IMMP2L: variants seen among roughly 807,000 people sequenced by gnomAD.
IMMP2L encodes the protein inner mitochondrial membrane peptidase subunit 2, also known as mitochondrial inner membrane protease subunit 2.
IMMP2L carries 18 observed loss-of-function variants against 19.3 expected under a neutral mutation model. The observed-to-expected ratio is 0.93, with a 90% CI of 0.64 to 1.38. IMMP2L has a LOEUF of 1.38. IMMP2L is among the 40% of genes most tolerant of loss of function. The pLI is 0.00. For missense variants in IMMP2L, 233 were observed against 218.2 expected, an observed-to-expected ratio of 1.07 and a Z score of -0.43; for synonymous variants, 76 against 73.0, an observed-to-expected ratio of 1.04 and a Z score of -0.21.
intron 3 of IMMP2L, among the ~76,000 whole-genome samples, chr7:111,175,018 T>C (rs914181453): frequency 7.2e-5 from 11 of 151,872 alleles, no homozygotes; most frequent in Non-Finnish European, 1.6e-4. Flanking sequence ...AAGCACATAC[T>C]GAACTCTATT....
chr7:110,751,128 C>T (rs1797689866), intron 5 of IMMP2L, among the ~76,000 whole-genome samples: 1 of 150,938 alleles, frequency 6.6e-6, no homozygotes, highest in Non-Finnish European at 1.5e-5. Context: ...GGGAAAACAA[C>T]ATCCAGAATC....
At chr7:110,838,534 T>C (rs1185800674) in intron 5 of IMMP2L, among the ~76,000 whole-genome samples, 1 of 152,054 alleles carries the variant, frequency 6.6e-6, no homozygotes, top group Non-Finnish European at 1.5e-5. Flanking sequence ...TATTCATGGT[T>C]AATGGATTAA....
chr7:111,027,274 G>A (rs1826934808), intron 3 of IMMP2L, among the ~76,000 whole-genome samples: 1 of 152,084 alleles, frequency 6.6e-6, no homozygotes, highest in Admixed American at 6.6e-5. Context: ...TTCTCTTGAG[G>A]GTCTAGACAG....
chr7:111,464,928 A>G (rs2132040993), intron 3 of IMMP2L, among the ~76,000 whole-genome samples: 1 of 152,154 alleles, frequency 6.6e-6, no homozygotes, highest in East Asian at 1.9e-4. Flanking sequence ...AGCTGGGACT[A>G]CAGGCGCCCG....
chr7:110,835,023 T>A (rs948701091), intron 5 of IMMP2L, among the ~76,000 whole-genome samples: 4 of 151,922 alleles, frequency 2.6e-5, no homozygotes, highest in African/African-American at 9.7e-5. Context: ...ACCTGAAAAT[T>A]TTTTTCCCCC....
intron 3 of IMMP2L, chr7:111,097,050 T>C (rs1370074833): frequency 6.6e-6 from 1 of 151,878 alleles, no homozygotes; most frequent in Non-Finnish European, 1.5e-5. Flanking sequence ...CCACAGATAA[T>C]CAGCTACTCT....
At chr7:110,756,473 T>C (rs1798048593) in intron 5 of IMMP2L, among the ~76,000 whole-genome samples, 1 of 152,018 alleles carries the variant, frequency 6.6e-6, no homozygotes, top group Non-Finnish European at 1.5e-5. Context: ...AGGATGGAAA[T>C]AGTGTTTGTG....
At chr7:110,917,243 C>CT (rs1429002353) in intron 4 of IMMP2L, among the ~76,000 whole-genome samples, 4 of 152,174 alleles carry the variant, frequency 2.6e-5, no homozygotes, top group Non-Finnish European at 4.4e-5. Flanking sequence ...GAGCACAGCC[C>CT]TTTCAATACC....
chr7:111,173,530 G>C (rs1806689443), intron 3 of IMMP2L, among the ~76,000 whole-genome samples: 1 of 151,508 alleles, frequency 6.6e-6, no homozygotes, highest in South Asian at 2.1e-4. Context: ...TTTATACATT[G>C]CCTGAATCTA....
intron 4 of IMMP2L, among the ~76,000 whole-genome samples, chr7:110,918,720 C>A (rs1215353963): frequency 1.3e-5 from 2 of 152,002 alleles, no homozygotes; most frequent in African/African-American, 4.8e-5. Flanking sequence ...TCTCAAAGTG[C>A]TGAGATTAAA....
intron 3 of IMMP2L, among the ~76,000 whole-genome samples, chr7:111,313,099 C>T (rs569256375): frequency 6.6e-6 from 1 of 152,230 alleles, no homozygotes; most frequent in South Asian, 2.1e-4. Flanking sequence ...TCTGTTATTG[C>T]TCAACAGAGC....
intron 3 of IMMP2L, among the ~76,000 whole-genome samples, chr7:111,398,899 T>C (rs1322758860): frequency 7.9e-6 from 1 of 126,454 alleles, no homozygotes; most frequent in Non-Finnish European, 1.7e-5. Flanking sequence ...AAAAAAAAAA[T>C]ACTTAGGAAT....
In IMMP2L at chr7:110,718,120, G is replaced by C. The variant is rs1795343782; in HGVS notation, c.409-54399C>G. Among the ~76,000 whole-genome samples the C allele has an allele frequency of 4.6e-5, 7 of 152,216 alleles. No homozygotes were observed. The South Asian group carries it at 1.4e-3, about 31-fold the overall frequency. On this transcript the variant is annotated intron_variant, in intron 5 of 5. Transcript: ENST00000405709. The stretch of plus-strand genomic sequence containing the variant: ...ATCTATAGAATGTTAAATTGGGGCA[G>C]TGAAAGTAAATGAAGAGATGATGAT...
intron 3 of IMMP2L, among the ~76,000 whole-genome samples, chr7:111,043,255 ATGATT>A (rs1355607574): frequency 5.3e-5 from 8 of 152,332 alleles, no homozygotes; most frequent in Non-Finnish European, 7.4e-5. Flanking sequence ...AGCACATCCT[ATGATT>A]TGATTTAAGT....
chr7:110,948,573 C>T (rs2129553858), intron 4 of IMMP2L, among the ~76,000 whole-genome samples: 1 of 152,196 alleles, frequency 6.6e-6, no homozygotes, highest in African/African-American at 2.4e-5. Context: ...GCAGCTATTC[C>T]TTTTGTGTTA....
At chr7:111,064,460 C>T (rs1794309833) in intron 3 of IMMP2L, among the ~76,000 whole-genome samples, 1 of 152,140 alleles carries the variant, frequency 6.6e-6, no homozygotes, top group Non-Finnish European at 1.5e-5. Context: ...CTCCAGAAGG[C>T]TGTATATGCT....
chr7:111,497,384 A>G (rs1843692179), intron 2 of IMMP2L, among the ~76,000 whole-genome samples: 1 of 152,184 alleles, frequency 6.6e-6, no homozygotes, highest in Non-Finnish European at 1.5e-5. Flanking sequence ...TCTTTTAGCT[A>G]AAATCAAGTG....
intron 2 of IMMP2L, among the ~76,000 whole-genome samples, chr7:111,513,435 C>T (rs1471712096): frequency 1.3e-5 from 2 of 152,016 alleles, no homozygotes; most frequent in Non-Finnish European, 2.9e-5. Flanking sequence ...GTTAGGAAGG[C>T]TATTATCAGA....
At chr7:111,495,872 C>T (rs190887057) in intron 2 of IMMP2L, among the ~76,000 whole-genome samples, 4 of 152,292 alleles carry the variant, frequency 2.6e-5, no homozygotes, top group African/African-American at 9.6e-5. Context: ...ACCACTCACA[C>T]TGGCTACATA....
Sources: allele counts gnomAD v4.1 joint callset (sites outside exome capture counted in the v4.1 genomes callset), GRCh38; gene constraint gnomAD v4.1.1; transcripts MANE v1.5; gene names NCBI Gene and HGNC (gene_info 2026-07-23, HGNC 2026-07-21).